LRRC1: variants seen among roughly 807,000 people sequenced by gnomAD.
LRRC1 encodes the protein leucine rich repeat containing 1, also known as leucine-rich repeat-containing protein 1.
Under a neutral mutation model 69.9 loss-of-function variants are expected in LRRC1, and 28 were observed. That is an observed-to-expected ratio of 0.40 (90% CI 0.30 to 0.55). LRRC1 has a LOEUF of 0.55. LRRC1 is among the 20% of genes least tolerant of loss of function. LRRC1 has a pLI of 0.47. For synonymous variants in LRRC1, 236 were observed against 240.2 expected (o/e 0.98, Z 0.16); for missense variants, 498 against 609.0 (o/e 0.82, Z 1.92).
intron 4 of LRRC1, among the ~76,000 whole-genome samples, chr6:53,895,208 G>A (rs1767830874): frequency 1.3e-5 from 2 of 152,178 alleles, no homozygotes; most frequent in Middle Eastern, 3.4e-3. Flanking sequence ...GTGAGCCACC[G>A]CGCCCGGCTG....
chr6:53,867,691 C>T (rs576591157), intron 2 of LRRC1, among the ~76,000 whole-genome samples: 41 of 152,026 alleles, frequency 2.7e-4, no homozygotes, highest in African/African-American at 9.2e-4. Context: ...TGGTGGCACA[C>T]GCCTGTAATC....
chr6:53,918,745 A>C (rs1047118039), intron 11 of LRRC1, among the ~76,000 whole-genome samples: 5 of 152,232 alleles, frequency 3.3e-5, no homozygotes, highest in African/African-American at 7.2e-5. Context: ...CCAATCTGTG[A>C]AATCTTTGTG....
intron 8 of LRRC1, among the ~76,000 whole-genome samples, chr6:53,902,020 A>T (rs558034954): frequency 3.9e-5 from 6 of 152,286 alleles, no homozygotes; most frequent in African/African-American, 1.2e-4. Flanking sequence ...TGAAGTGAGA[A>T]TCTGAATGAC....
At chr6:53,813,536 G>GTTGTT (rs1764858509) in intron 1 of LRRC1, among the ~76,000 whole-genome samples, 1 of 123,684 alleles carries the variant, frequency 8.1e-6, no homozygotes, top group South Asian at 2.7e-4. Context: ...TGGCTCAGTG[G>GTTGTT]TTTTTTTTTT....
rs144990173 is a variant in LRRC1, at chr6:53,866,892, C to G, written c.278-12101C>G. Reference sequence around the variant, plus strand: ...GGTAAAGAAAAAATTTAAATCTACCCTAAGTCAGATCAGATGATGCACTTC... The same window carrying G: ...GGTAAAGAAAAAATTTAAATCTACCGTAAGTCAGATCAGATGATGCACTTC... On this transcript the variant is annotated intron_variant, in intron 2 of 13. Coordinates refer to ENST00000370888, the MANE Select transcript of LRRC1 (RefSeq NM_018214.5). 4.1e-3 allele frequency among the ~76,000 whole-genome samples: 619 copies of G among 152,180 alleles called. 6 individuals carry two copies. The highest frequency in any genetic ancestry group is 0.014 in the African/African-American group (583 of 41,450).
intron 1 of LRRC1, among the ~76,000 whole-genome samples, chr6:53,833,519 TA>T (rs1352577815): frequency 6.6e-6 from 1 of 152,142 alleles, no homozygotes; most frequent in Non-Finnish European, 1.5e-5. Context: ...TTGAACAAAA[TA>T]AATGTAAGCA....
Position 53,899,771 on chromosome 6 carries a change from CTG to C in LRRC1, c.671_672del (p.Cys224PhefsTer5). The C allele has an allele frequency of 6.2e-7, 1 of 1,613,872 alleles. No homozygotes were observed. The highest frequency in any genetic ancestry group is 8.5e-7 in the Non-Finnish European group (1 of 1,179,898). ...PQEIGNLKNL[L>X]CLDVSENRLE... ...GGAAATAGGAAATCTGAAGAACCTG[CTG>C]TGTTTAGATGTCTCTGAAAACAGGT... On this transcript the variant is annotated frameshift_variant, in exon 8 of 14. Coordinates refer to ENST00000370888, the MANE Select transcript of LRRC1 (RefSeq NM_018214.5). LOFTEE classifies it high-confidence loss of function.
intron 2 of LRRC1, among the ~76,000 whole-genome samples, chr6:53,845,849 T>G (rs554729618): frequency 1.3e-5 from 2 of 152,298 alleles, no homozygotes; most frequent in Non-Finnish European, 2.9e-5. Flanking sequence ...GAGAAGGATC[T>G]TAGACATCAC....
intron 4 of LRRC1, among the ~76,000 whole-genome samples, chr6:53,885,149 ACAAT>A (rs527302887): frequency 2.4e-4 from 37 of 152,368 alleles, no homozygotes; most frequent in Middle Eastern, 3.4e-3. Flanking sequence ...CCAGAAAGAA[ACAAT>A]CAAAGAACAA....
In LRRC1 at chr6:53,919,554, C is replaced by G. The variant is rs574371915; in HGVS notation, c.1163C>G (p.Ser388Cys). The G allele has an allele frequency of 6.2e-7, 1 of 1,612,420 alleles. No individual in the cohort carries two copies. The highest frequency in any genetic ancestry group is 1.3e-5 in the African/African-American group (1 of 74,694). The change falls in exon 12 of 14, where the codon TCT becomes TGT. Residue 388 changes from serine (S) to cysteine (C), a missense_variant. By Grantham distance (112) the Ser-to-Cys change is moderately radical. Transcript: ENST00000370888. Reference protein sequence around the residue: ...TALKLKALWLSDNQSQPLLTF... With the variant: ...TALKLKALWLCDNQSQPLLTF... ...TTGAAGTTGAAGGCTCTGTGGCTAT[C>G]TGACAACCAGTCCCAGCCCCTGCTT...
intron 2 of LRRC1, among the ~76,000 whole-genome samples, chr6:53,850,149 A>G (rs1766081521): frequency 6.6e-6 from 1 of 152,022 alleles, no homozygotes; most frequent in South Asian, 2.1e-4. Context: ...CCCTTAAGGA[A>G]ATAACAAATA....
At chr6:53,877,202 G>T (rs961460873) in intron 2 of LRRC1, among the ~76,000 whole-genome samples, 3 of 152,182 alleles carry the variant, frequency 2.0e-5, no homozygotes, top group Non-Finnish European at 4.4e-5. Context: ...CTATACTTTG[G>T]CCCCTTTTAG....
intron 1 of LRRC1, among the ~76,000 whole-genome samples, chr6:53,826,052 A>AT (rs1248119941): frequency 6.6e-6 from 1 of 151,230 alleles, no homozygotes; most frequent in Non-Finnish European, 1.5e-5. Flanking sequence ...TGTGATGACC[A>AT]TTTTTCCCAT....
In LRRC1 at chr6:53,900,807, C is replaced by T. The variant is rs141671673; in HGVS notation, c.787+916C>T. Reference sequence around the variant, plus strand: ...ATAAACAGATACGGACTTGGGAGCTCCATTGTAGCAAAGCCACTTTGAAGT... The same window carrying T: ...ATAAACAGATACGGACTTGGGAGCTTCATTGTAGCAAAGCCACTTTGAAGT... On this transcript the variant is annotated intron_variant, in intron 8 of 13. Coordinates refer to ENST00000370888, the MANE Select transcript of LRRC1 (RefSeq NM_018214.5). 8.5e-5 allele frequency among the ~76,000 whole-genome samples: 13 copies of T among 152,254 alleles called. No homozygotes were observed. The East Asian group carries it at 2.3e-3, about 27-fold the overall frequency.
At position 53,922,947 on chromosome 6, in the gene LRRC1, C is replaced by A. The variant is rs1341231806; in HGVS notation, c.*154C>A. 2 of 645,462 alleles carry A rather than the reference C, an allele frequency of 3.1e-6. No individual in the cohort carries two copies. The highest frequency in any genetic ancestry group is 5.2e-5 in the Admixed American group (2 of 38,280). The allele number at this position is 645,462 out of a possible 1,614,324, so 40.0% of individuals were successfully genotyped here. A position where few individuals can be genotyped will look rare whatever the true frequency, so the allele number is the denominator to read the frequency against. On this transcript the variant is annotated 3_prime_UTR_variant, in exon 14 of 14. Coordinates refer to ENST00000370888, the MANE Select transcript of LRRC1 (RefSeq NM_018214.5). ...GGAAGCTGCTGTCTCCCAGGAAGTG[C>A]CTTACTCATCCCGCAACCAGTCAGC...
chr6:53,807,286 C>T (rs545254182), intron 1 of LRRC1, among the ~76,000 whole-genome samples: 7 of 152,290 alleles, frequency 4.6e-5, no homozygotes, highest in African/African-American at 1.7e-4. Flanking sequence ...TCCTCCTTCC[C>T]TCATTCACTC....
chr6:53,872,080 G>A (rs931404415), intron 2 of LRRC1, among the ~76,000 whole-genome samples: 2 of 152,008 alleles, frequency 1.3e-5, no homozygotes, highest in Non-Finnish European at 2.9e-5. Flanking sequence ...TATAGTTTCA[G>A]GTCTTACATT....
At chr6:53,899,619 T>G in intron 7 of LRRC1, 128 bp from the exon 8 acceptor site, 1 of 833,744 alleles carries the variant, frequency 1.2e-6, no homozygotes. Context: ...CCTTCACATT[T>G]GGATTCATGC....
intron 11 of LRRC1, among the ~76,000 whole-genome samples, chr6:53,916,872 T>C (rs1768581259): frequency 6.6e-6 from 1 of 152,188 alleles, no homozygotes; most frequent in African/African-American, 2.4e-5. Flanking sequence ...GCTGGGTTGG[T>C]CATGGACATA....
Sources: allele counts gnomAD v4.1 joint callset (sites outside exome capture counted in the v4.1 genomes callset), GRCh38; gene constraint gnomAD v4.1.1; transcripts MANE v1.5; gene names NCBI Gene and HGNC (gene_info 2026-07-23, HGNC 2026-07-21).